Variants in CD6 observed in about 807,000 individuals in gnomAD.
CD6 encodes T-cell differentiation antigen CD6.
A neutral mutation model predicts 75.3 loss-of-function variants in CD6; 53 were observed. That is an observed-to-expected ratio of 0.70 (90% CI 0.56 to 0.88). The LOEUF (loss-of-function observed/expected upper bound fraction) is 0.88. Among genes scored for constraint, CD6 ranks in the 40% least tolerant of loss-of-function variants. The pLI is 0.00. For synonymous variants in CD6, 359 were observed against 381.5 expected, an observed-to-expected ratio of 0.94 and a Z score of 0.69; for missense variants, 770 against 897.1, an observed-to-expected ratio of 0.86 and a Z score of 1.81.
chr11:61,000,863 T>C (rs1033041878), intron 1 of CD6, among the ~76,000 whole-genome samples: 25 of 152,160 alleles, frequency 1.6e-4, no homozygotes, highest in Non-Finnish European at 3.2e-4. Flanking sequence ...CACTACCCCA[T>C]TGGAGGTTCT....
chr11:61,008,906 C>T (rs1003584725), intron 4 of CD6, 61 bp downstream of exon 4: 6 of 1,396,262 alleles, frequency 4.3e-6, no homozygotes, highest in Non-Finnish European at 5.7e-6. Context: ...GCCTACTGGG[C>T]GCCAAGCCTG....
intron 12 of CD6, 198 bp downstream of exon 12, chr11:61,018,591 G>A (rs1220416209): frequency 3.6e-6 from 2 of 556,280 alleles, no homozygotes; most frequent in Non-Finnish European, 6.4e-6. Context: ...CACAAGGCAG[G>A]AGGATTGCTT....
At chr11:61,011,422 A>G (rs1859148939) in intron 6 of CD6, among the ~76,000 whole-genome samples, 1 of 149,072 alleles carries the variant, frequency 6.7e-6, no homozygotes, top group African/African-American at 2.4e-5. Context: ...AGAAGGAAAG[A>G]GCTGGAGAGA....
chr11:60,985,156 C>T (rs1162688043), intron 1 of CD6: 2 of 149,792 alleles, frequency 1.3e-5, no homozygotes, highest in Non-Finnish European at 2.9e-5. Context: ...TATGTACCGC[C>T]GAAGCTTGCA....
intron 1 of CD6, among the ~76,000 whole-genome samples, chr11:60,994,742 G>A (rs1858223386): frequency 6.6e-6 from 1 of 152,210 alleles, no homozygotes; most frequent in South Asian, 2.1e-4. Context: ...ACCGATCTAT[G>A]TTCCGTTTCA....
At chr11:61,013,673 G>A in intron 7 of CD6, 110 bp downstream of exon 7, 1 of 1,237,236 alleles carries the variant, frequency 8.1e-7, no homozygotes, top group East Asian at 2.3e-5. Context: ...CTGGCCCTGG[G>A]GAGATCCCCA....
chr11:61,006,791 A>G, intron 2 of CD6, 149 bp downstream of exon 2: 1 of 672,380 alleles, frequency 1.5e-6, no homozygotes, highest in Non-Finnish European at 2.7e-6. Flanking sequence ...CTGAAGTTCC[A>G]CTATCAATTC....
At chr11:60,986,295 G>A (rs552989344) in intron 1 of CD6, among the ~76,000 whole-genome samples, 11 of 152,188 alleles carry the variant, frequency 7.2e-5, no homozygotes, top group East Asian at 5.8e-4. Context: ...TCTGTGGAGC[G>A]TCATGGGCCT....
intron 1 of CD6, among the ~76,000 whole-genome samples, chr11:60,983,313 A>G (rs1020130740): frequency 7.2e-5 from 11 of 151,896 alleles, no homozygotes; most frequent in African/African-American, 2.4e-4. Context: ...GCTGGTCTTT[A>G]ACTCCTGACC....
chr11:60,976,872 CAT>C (rs921870881), intron 1 of CD6, among the ~76,000 whole-genome samples: 14 of 152,330 alleles, frequency 9.2e-5, no homozygotes, highest in African/African-American at 2.6e-4. Flanking sequence ...ATTAAACACA[CAT>C]GTTTACTTTT....
intron 1 of CD6, among the ~76,000 whole-genome samples, chr11:60,986,488 C>G (rs78601160): frequency 6.6e-6 from 1 of 152,202 alleles, no homozygotes; most frequent in Admixed American, 6.5e-5. Flanking sequence ...TCAGCTTTTG[C>G]GCTCTAGGTA....
At position 60,974,521 on chromosome 11, in the gene CD6, A is replaced by C. The variant is rs546962111; in HGVS notation, c.49+2607A>C. 4.4e-3 allele frequency among the ~76,000 whole-genome samples: 673 copies of C among 152,310 alleles called. 4 individuals carry two copies. Among genetic ancestry groups the C allele is most frequent in the Non-Finnish European group, 6.4e-3 (437 of 68,026 alleles). ...CAGCCTCCCAAAGTGCTGGGATTAC[A>C]GGAGTGAGCCACCGCGCCCAGCCTC... On this transcript the variant is annotated intron_variant, in intron 1 of 12. Transcript: ENST00000313421.
intron 1 of CD6, among the ~76,000 whole-genome samples, chr11:60,992,566 A>G (rs1271539745): frequency 4.6e-5 from 7 of 152,008 alleles, no homozygotes; most frequent in Admixed American, 2.6e-4. Context: ...TGTGGCTCAC[A>G]CCTGTAATCC....
chr11:61,018,503 G>GGGAAAAGGAGAAAGGAAGT, intron 12 of CD6, 110 bp downstream of exon 12: 2 of 848,410 alleles, frequency 2.4e-6, no homozygotes, highest in Non-Finnish European at 3.7e-6. Context: ...AGAAAGGAAG[G>GGGAAAAGGAGAAAGGAAGT]GTAAAAGAAG....
At chr11:60,986,081 A>G (rs1857802978) in intron 1 of CD6, among the ~76,000 whole-genome samples, 2 of 152,204 alleles carry the variant, frequency 1.3e-5, no homozygotes, top group African/African-American at 4.8e-5. Context: ...GGTCCTGGTA[A>G]TAGCTGCTCT....
At position 61,003,069 on chromosome 11, in the gene CD6, A is replaced by C. The variant is rs373341427; in HGVS notation, c.50-3505A>C. ...AACCTCCACCTCCCAGGCTCAAGCA[A>C]TTCTCCTGCCTCAGCCTCCGGAGTA... On this transcript the variant is annotated intron_variant, in intron 1 of 12. Coordinates refer to ENST00000313421, the MANE Select transcript of CD6 (RefSeq NM_006725.5). Among the ~76,000 whole-genome samples the C allele has an allele frequency of 3.9e-5, 6 of 152,234 alleles. No homozygotes were observed. The East Asian group carries it at 1.2e-3, about 29-fold the overall frequency.
rs142633423 is a variant in CD6 at position 60,981,248 on chromosome 11, T to C, written c.49+9334T>C. On this transcript the variant is annotated intron_variant, in intron 1 of 12. Coordinates refer to ENST00000313421, the MANE Select transcript of CD6 (RefSeq NM_006725.5). ...TATTTAATACTTCCATTTTACTGAG[T>C]AAGTGACAGGCTCAGAGAGATAAAG... 3.8e-3 allele frequency among the ~76,000 whole-genome samples: 575 copies of C among 152,268 alleles called. 7 individuals carry two copies. The highest frequency in any genetic ancestry group is 0.013 in the African/African-American group (535 of 41,536).
chr11:61,001,765 A>G (rs942903595), intron 1 of CD6, among the ~76,000 whole-genome samples: 1 of 152,150 alleles, frequency 6.6e-6, no homozygotes, highest in African/African-American at 2.4e-5. Context: ...GACCAGCTGC[A>G]TAGTTTGCAG....
At chr11:60,992,782 C>T (rs1050797982) in intron 1 of CD6, among the ~76,000 whole-genome samples, 7 of 151,920 alleles carry the variant, frequency 4.6e-5, no homozygotes, top group Admixed American at 3.3e-4. Flanking sequence ...GAACCAAGAT[C>T]GTGCCACTAC....
Sources: gnomAD v4.1 joint callset for allele counts (sites outside exome capture counted in the v4.1 genomes callset) on GRCh38, gnomAD v4.1.1 for gene constraint, MANE v1.5 for transcripts, NCBI Gene and HGNC (gene_info 2026-07-23, HGNC 2026-07-21) for gene names.